The following FYN variants were observed in gnomAD, a reference collection of about 807,000 sequenced individuals.
FYN encodes the protein FYN proto-oncogene, Src family tyrosine kinase.
In FYN, 10 loss-of-function variants were observed where a neutral mutation model predicts 70.2. The observed-to-expected ratio is 0.14, with a 90% CI of 0.09 to 0.24. FYN has a LOEUF of 0.24. FYN is among the 10% of genes least tolerant of loss of function. The probability of loss-of-function intolerance (pLI) is 1.00; values close to 1 mark genes in which losing one functional copy is unlikely to be tolerated. For synonymous variants in FYN, 236 were observed against 248.6 expected (o/e 0.95, Z 0.48); for missense variants, 319 against 673.1 (o/e 0.47, Z 5.82).
At chr6:111,701,665 A>T (rs1034899200) in intron 8 of FYN, among the ~76,000 whole-genome samples, 6 of 152,188 alleles carry the variant, frequency 3.9e-5, no homozygotes, top group Non-Finnish European at 7.3e-5. Flanking sequence ...TTTTCAAATG[A>T]TCCAAACCCT....
intron 3 of FYN, among the ~76,000 whole-genome samples, chr6:111,771,559 A>G (rs926457063): frequency 2.4e-4 from 36 of 152,306 alleles, no homozygotes; most frequent in African/African-American, 8.2e-4. Flanking sequence ...CTTCCCAAGC[A>G]TATTAATTTC....
At chr6:111,743,876 C>T (rs1409527650) in intron 3 of FYN, among the ~76,000 whole-genome samples, 1 of 152,202 alleles carries the variant, frequency 6.6e-6, no homozygotes, top group South Asian at 2.1e-4. Context: ...GGCTCTCTTA[C>T]TCCCAATAAA....
intron 3 of FYN, among the ~76,000 whole-genome samples, chr6:111,730,847 A>C (rs1385282419): frequency 6.8e-6 from 1 of 148,008 alleles, no homozygotes; most frequent in Admixed American, 6.6e-5. Flanking sequence ...CAACCAGAGA[A>C]AAAGAGAAAA....
At chr6:111,756,191 C>CA (rs1350272052) in intron 3 of FYN, among the ~76,000 whole-genome samples, 1 of 151,992 alleles carries the variant, frequency 6.6e-6, no homozygotes, top group Non-Finnish European at 1.5e-5. Flanking sequence ...GATTAAATAA[C>CA]AGCACACTAC....
At chr6:111,838,346 T>G (rs902881036) in intron 2 of FYN, among the ~76,000 whole-genome samples, 1 of 152,172 alleles carries the variant, frequency 6.6e-6, no homozygotes, top group African/African-American at 2.4e-5. Flanking sequence ...TCAGGGCAGT[T>G]TCACAAGACT....
chr6:111,827,084 G>A (rs930492083), intron 2 of FYN, among the ~76,000 whole-genome samples: 8 of 152,054 alleles, frequency 5.3e-5, no homozygotes, highest in African/African-American at 9.7e-5. Flanking sequence ...GGCAAGAGTC[G>A]GCCAACGAGA....
intron 12 of FYN, among the ~76,000 whole-genome samples, chr6:111,692,744 T>C (rs1436954088): frequency 1.3e-5 from 2 of 152,214 alleles, no homozygotes; most frequent in East Asian, 1.9e-4. Flanking sequence ...TTGCCCACTC[T>C]CCTTCTGAGT....
chr6:111,764,223 A>AAAAAAAG (rs1554286111), intron 3 of FYN, among the ~76,000 whole-genome samples: 2 of 147,604 alleles, frequency 1.4e-5, no homozygotes, highest in Non-Finnish European at 3.0e-5. Context: ...AAGCAAAAAA[A>AAAAAAAG]AAAAAAAAAG....
At chr6:111,843,957 TA>T (rs929935658) in intron 2 of FYN, among the ~76,000 whole-genome samples, 1 of 151,036 alleles carries the variant, frequency 6.6e-6, no homozygotes, top group Non-Finnish European at 1.5e-5. Context: ...TTACGAAACT[TA>T]AAAAAAAATA....
At chr6:111,768,821 T>A (rs1209053366) in intron 3 of FYN, among the ~76,000 whole-genome samples, 2 of 152,248 alleles carry the variant, frequency 1.3e-5, no homozygotes, top group Non-Finnish European at 2.9e-5. Flanking sequence ...CTCAGCCACT[T>A]GGCTGGAGTC....
At chr6:111,825,086 G>A (rs1772790628) in intron 2 of FYN, among the ~76,000 whole-genome samples, 1 of 152,184 alleles carries the variant, frequency 6.6e-6, no homozygotes, top group Admixed American at 6.5e-5. Flanking sequence ...CATTGCCTCT[G>A]ATGCGTAGGA....
intron 3 of FYN, among the ~76,000 whole-genome samples, chr6:111,731,593 A>G (rs1230656277): frequency 2.0e-5 from 3 of 152,232 alleles, no homozygotes; most frequent in African/African-American, 7.2e-5. Flanking sequence ...AACAGCAGGG[A>G]TAACTTTTGC....
At chr6:111,840,110 T>G (rs1773313026) in intron 2 of FYN, among the ~76,000 whole-genome samples, 1 of 152,156 alleles carries the variant, frequency 6.6e-6, no homozygotes, top group African/African-American at 2.4e-5. Context: ...CTGACTGAAG[T>G]AATGAGTGAA....
chr6:111,666,640 G>A (rs868265015), intron 13 of FYN, among the ~76,000 whole-genome samples: 3 of 152,136 alleles, frequency 2.0e-5, no homozygotes, highest in Admixed American at 6.5e-5. Flanking sequence ...CGAGACCAGC[G>A]TGGGCAACAT....
At chr6:111,713,841 A>C (rs1800498477) in intron 5 of FYN, among the ~76,000 whole-genome samples, 1 of 152,210 alleles carries the variant, frequency 6.6e-6, no homozygotes, top group African/African-American at 2.4e-5. Context: ...GTCACTCCCA[A>C]ATTTTTGTTA....
rs559398952 is a variant in FYN, at chr6:111,684,180, G to A, written c.1274-9550C>T. Among the ~76,000 whole-genome samples, 25 of 152,250 alleles carry A rather than the reference G, an allele frequency of 1.6e-4. No individual in the cohort carries two copies. In the East Asian group the frequency reaches 4.6e-3, roughly 28 times the overall value. ...GAGGAAGGAGGAATGCTGTCCCACC[G>A]GGGATGTGAGTGGAGAAGGGACAAG... On this transcript the variant is annotated intron_variant, in intron 12 of 13. Transcript: ENST00000354650.
At chr6:111,820,186 A>G (rs184041246) in intron 2 of FYN, 2 of 152,380 alleles carry the variant, frequency 1.3e-5, no homozygotes, top group Admixed American at 1.3e-4. Flanking sequence ...GGCTCACTTC[A>G]TAAACCTCAA....
chr6:111,715,544 G>A (rs9398278), intron 4 of FYN, among the ~76,000 whole-genome samples: 5,333 of 152,162 alleles, frequency 0.035, 150 homozygotes, highest in East Asian at 0.13. Context: ...GGTGACTTCC[G>A]TCTTTCTAGC....
At chr6:111,871,425 A>G (rs970425044) in intron 1 of FYN, among the ~76,000 whole-genome samples, 2 of 152,224 alleles carry the variant, frequency 1.3e-5, no homozygotes, top group African/African-American at 4.8e-5. Context: ...GTGGTGAGAA[A>G]GGAAGTAGGC....
Sources: gnomAD v4.1 joint callset for allele counts (sites outside exome capture counted in the v4.1 genomes callset) on GRCh38, gnomAD v4.1.1 for gene constraint, MANE v1.5 for transcripts, NCBI Gene and HGNC (gene_info 2026-07-23, HGNC 2026-07-21) for gene names.